The following EXOC4 variants were observed in gnomAD, a reference collection of about 807,000 sequenced individuals.
The protein encoded by EXOC4 is exocyst complex component 4, also known as SEC8-like 1.
EXOC4 carries 71 observed loss-of-function variants against 107.2 expected under a neutral mutation model. The ratio of observed to expected loss-of-function variants is 0.66; its 90% CI spans 0.55 to 0.81. The LOEUF is 0.81. Among genes scored for constraint, EXOC4 ranks in the 30% least tolerant of loss-of-function variants. EXOC4 has a pLI of 0.00. For synonymous variants in EXOC4, 456 were observed against 441.2 expected (o/e 1.03, Z -0.42); for missense variants, 1,108 against 1,189.6 (o/e 0.93, Z 1.01).
At chr7:133,537,742 C>G (rs1035601018) in intron 9 of EXOC4, among the ~76,000 whole-genome samples, 1 of 152,006 alleles carries the variant, frequency 6.6e-6, no homozygotes, top group Non-Finnish European at 1.5e-5. Context: ...TTGTTTTAAA[C>G]CAAAATAATG....
intron 9 of EXOC4, among the ~76,000 whole-genome samples, chr7:133,490,794 A>G (rs1799357518): frequency 6.6e-6 from 1 of 152,202 alleles, no homozygotes; most frequent in Admixed American, 6.5e-5. Context: ...ACCTGAGCAA[A>G]GAATAAATGT....
intron 10 of EXOC4, among the ~76,000 whole-genome samples, chr7:133,716,779 A>G (rs1204664906): frequency 6.6e-6 from 1 of 152,046 alleles, no homozygotes; most frequent in Non-Finnish European, 1.5e-5. Flanking sequence ...CGTCTTTACT[A>G]AAATACAAAA....
intron 7 of EXOC4, among the ~76,000 whole-genome samples, chr7:133,432,659 A>G (rs1052173005): frequency 6.6e-6 from 1 of 152,172 alleles, no homozygotes; most frequent in African/African-American, 2.4e-5. Flanking sequence ...GTTCACTGTA[A>G]AGCTTCGTTA....
chr7:133,886,504 A>G (rs1037912839), intron 11 of EXOC4, among the ~76,000 whole-genome samples: 10 of 151,962 alleles, frequency 6.6e-5, no homozygotes, highest in Non-Finnish European at 1.3e-4. Context: ...TATTTTCCAC[A>G]GCAATGTTTT....
chr7:133,650,687 C>T (rs889982575), intron 10 of EXOC4, among the ~76,000 whole-genome samples: 1 of 152,044 alleles, frequency 6.6e-6, no homozygotes, highest in African/African-American at 2.4e-5. Flanking sequence ...ACTAATAATC[C>T]TGGCCGACTT....
chr7:134,036,395 C>T (rs1780811314), intron 17 of EXOC4, among the ~76,000 whole-genome samples: 1 of 152,046 alleles, frequency 6.6e-6, no homozygotes, highest in South Asian at 2.1e-4. Flanking sequence ...CAAGACCAGC[C>T]CAGCAAATAT....
At chr7:133,964,633 C>A (rs1423385635) in intron 14 of EXOC4, among the ~76,000 whole-genome samples, 1 of 152,166 alleles carries the variant, frequency 6.6e-6, no homozygotes, top group Non-Finnish European at 1.5e-5. Flanking sequence ...CCAGCTTCAT[C>A]CATGTCCCTG....
At chr7:133,582,182 A>C (rs1300990323) in intron 9 of EXOC4, among the ~76,000 whole-genome samples, 1 of 152,028 alleles carries the variant, frequency 6.6e-6, no homozygotes, top group Non-Finnish European at 1.5e-5. Flanking sequence ...TTTTGTCCAC[A>C]TGTACTCAGT....
In EXOC4 at chr7:133,470,991, A is replaced by C. The variant is rs9656419; in HGVS notation, c.1183-4337A>C. 1.6e-3 allele frequency among the ~76,000 whole-genome samples: 245 copies of C among 152,332 alleles called. 3 individuals carry two copies. Among genetic ancestry groups the C allele is most frequent in the African/African-American group, 5.5e-3 (228 of 41,568 alleles). On this transcript the variant is annotated intron_variant, in intron 7 of 17. Coordinates refer to ENST00000253861, the MANE Select transcript of EXOC4 (RefSeq NM_021807.4). ...CACCATGATGTGGAATCATCAATAAATTATATAGTTATATTTTAATACTAG... is the reference window on the plus strand; with the variant it reads ...CACCATGATGTGGAATCATCAATAACTTATATAGTTATATTTTAATACTAG...
intron 5 of EXOC4, among the ~76,000 whole-genome samples, chr7:133,345,911 G>T (rs1038879311): frequency 6.6e-6 from 1 of 152,154 alleles, no homozygotes; most frequent in Admixed American, 6.5e-5. Flanking sequence ...GGGGTGCTTA[G>T]TTAACATTTT....
At chr7:133,725,516 C>T (rs1388691522) in intron 10 of EXOC4, among the ~76,000 whole-genome samples, 1 of 152,160 alleles carries the variant, frequency 6.6e-6, no homozygotes, top group Non-Finnish European at 1.5e-5. Flanking sequence ...GCTGGGACTA[C>T]AAGCCCCCAC....
intron 5 of EXOC4, among the ~76,000 whole-genome samples, chr7:133,333,784 T>A (rs1795448045): frequency 6.6e-6 from 1 of 152,212 alleles, no homozygotes. Flanking sequence ...CTTTCCTTAT[T>A]TCTAGCTCTT....
At chr7:133,580,579 G>A (rs1585010649) in intron 9 of EXOC4, among the ~76,000 whole-genome samples, 1 of 152,224 alleles carries the variant, frequency 6.6e-6, no homozygotes, top group South Asian at 2.1e-4. Context: ...GATTCAGAGA[G>A]GTGTAAAGTA....
At chr7:133,326,642 C>T (rs556503124) in intron 5 of EXOC4, among the ~76,000 whole-genome samples, 1 of 152,318 alleles carries the variant, frequency 6.6e-6, no homozygotes, top group East Asian at 1.9e-4. Flanking sequence ...CCCAGTTAGG[C>T]TACTCGGGGG....
At chr7:133,971,112 C>T (rs1017885822) in intron 14 of EXOC4, among the ~76,000 whole-genome samples, 1 of 151,480 alleles carries the variant, frequency 6.6e-6, no homozygotes, top group African/African-American at 2.4e-5. Context: ...CATCAGAGGC[C>T]CGGGCTTGAC....
rs75387884 is a variant in EXOC4 at position 133,459,908 on chromosome 7, G to T, written c.1183-15420G>T. On this transcript the variant is annotated intron_variant, in intron 7 of 17. Transcript: ENST00000253861. The stretch of plus-strand genomic sequence containing the variant: ...TCTGTCCTCTTTGAAATTTTTATGA[G>T]TATATATTGCTTTTAAATAAAAGAT... Among the ~76,000 whole-genome samples the T allele has an allele frequency of 6.4e-3, 971 of 152,220 alleles. 8 individuals carry two copies. The highest frequency in any genetic ancestry group is 0.038 in the East Asian group (198 of 5,184).
intron 6 of EXOC4, among the ~76,000 whole-genome samples, chr7:133,372,356 C>T (rs1225892637): frequency 6.6e-6 from 1 of 152,190 alleles, no homozygotes; most frequent in East Asian, 1.9e-4. Context: ...ATTACACCTC[C>T]TTTCCTTCCT....
At chr7:133,337,958 ATCTC>A (rs1477449798) in intron 5 of EXOC4, among the ~76,000 whole-genome samples, 4 of 149,470 alleles carry the variant, frequency 2.7e-5, no homozygotes, top group Non-Finnish European at 5.9e-5. Context: ...TGTTTGTATT[ATCTC>A]TCTTTGTGAA....
chr7:133,859,396 C>T (rs1245117176), intron 11 of EXOC4, among the ~76,000 whole-genome samples: 1 of 152,204 alleles, frequency 6.6e-6, no homozygotes, highest in Non-Finnish European at 1.5e-5. Flanking sequence ...CAGCAGGGAG[C>T]CACTGGTTCC....
Sources: gnomAD v4.1 joint callset for allele counts (sites outside exome capture counted in the v4.1 genomes callset) on GRCh38, gnomAD v4.1.1 for gene constraint, MANE v1.5 for transcripts, NCBI Gene and HGNC (gene_info 2026-07-23, HGNC 2026-07-21) for gene names.